Variants in PRKCE observed in about 807,000 individuals in gnomAD.
PRKCE encodes the protein protein kinase C epsilon.
PRKCE carries 16 observed loss-of-function variants against 85.4 expected under a neutral mutation model. The observed-to-expected ratio is 0.19, with a 90% CI of 0.13 to 0.28. PRKCE has a LOEUF of 0.28. Among genes scored for constraint, PRKCE ranks in the 10% least tolerant of loss-of-function variants. The pLI, the probability that PRKCE is intolerant of heterozygous loss-of-function variation, is 1.00. For synonymous variants in PRKCE, 388 were observed against 371.5 expected (o/e 1.04, Z -0.51); for missense variants, 573 against 975.2 (o/e 0.59, Z 5.49).
chr2:46,179,191 AC>A (rs1679724278), intron 14 of PRKCE, among the ~76,000 whole-genome samples: 1 of 152,180 alleles, frequency 6.6e-6, no homozygotes, highest in Non-Finnish European at 1.5e-5. Context: ...GTGCTTTAAA[AC>A]AAAGTCATCT....
At chr2:45,756,057 A>G (rs550680291) in intron 1 of PRKCE, among the ~76,000 whole-genome samples, 1 of 152,314 alleles carries the variant, frequency 6.6e-6, no homozygotes, top group East Asian at 1.9e-4. Context: ...CGTTTACTAG[A>G]CACACAATGA....
chr2:46,176,728 C>T (rs556254034), intron 14 of PRKCE, among the ~76,000 whole-genome samples: 1 of 152,238 alleles, frequency 6.6e-6, no homozygotes, highest in East Asian at 1.9e-4. Flanking sequence ...CCAAAGAGTG[C>T]TGGTGGGACT....
intron 10 of PRKCE, among the ~76,000 whole-genome samples, chr2:46,056,410 C>T (rs1483616871): frequency 6.6e-6 from 1 of 152,130 alleles, no homozygotes; most frequent in Non-Finnish European, 1.5e-5. Context: ...CATACAGTAA[C>T]TTATATGGGA....
chr2:45,710,147 C>G (rs1186858723), intron 1 of PRKCE, among the ~76,000 whole-genome samples: 1 of 152,176 alleles, frequency 6.6e-6, no homozygotes, highest in Non-Finnish European at 1.5e-5. Context: ...GTGCTGGGCA[C>G]CGTTCTTGGA....
chr2:45,743,436 T>C (rs1284107533), intron 1 of PRKCE, among the ~76,000 whole-genome samples: 2 of 152,134 alleles, frequency 1.3e-5, no homozygotes, highest in African/African-American at 2.4e-5. Context: ...AGCCACCTGA[T>C]GGAAGTCTTT....
intron 6 of PRKCE, among the ~76,000 whole-genome samples, chr2:45,985,860 A>C (rs997904367): frequency 3.9e-5 from 6 of 152,246 alleles, no homozygotes; most frequent in African/African-American, 1.2e-4. Context: ...GAAGCTGTCC[A>C]CCTGTTGGAC....
chr2:45,843,759 A>G (rs1691553186), intron 2 of PRKCE, among the ~76,000 whole-genome samples: 1 of 152,200 alleles, frequency 6.6e-6, no homozygotes, highest in Non-Finnish European at 1.5e-5. Context: ...ATAACAACCA[A>G]CTTAAGCTCT....
intron 11 of PRKCE, among the ~76,000 whole-genome samples, chr2:46,141,866 A>G (rs2104467592): frequency 6.6e-6 from 1 of 152,264 alleles, no homozygotes; most frequent in African/African-American, 2.4e-5. Context: ...TGTCCTGAAC[A>G]CTGAACACCA....
At chr2:45,856,567 C>T (rs1359636634) in intron 2 of PRKCE, among the ~76,000 whole-genome samples, 1 of 152,158 alleles carries the variant, frequency 6.6e-6, no homozygotes, top group Non-Finnish European at 1.5e-5. Context: ...ATTCAAGGTT[C>T]TCTCTTCTAG....
rs141342773 is a variant in PRKCE at position 45,703,655 on chromosome 2, C to T, written c.348+51207C>T. Among the ~76,000 whole-genome samples, 919 of 152,152 alleles carry T rather than the reference C, an allele frequency of 6.0e-3. 10 individuals carry two copies. The highest frequency in any genetic ancestry group is 0.021 in the African/African-American group (860 of 41,508). ...CACTTGAAGGACAAACATGGGCTCT[C>T]TGCATGGAACTGATTCTTCTTTGGA... On this transcript the variant is annotated intron_variant, in intron 1 of 14. Coordinates refer to ENST00000306156, the MANE Select transcript of PRKCE (RefSeq NM_005400.3).
In PRKCE at chr2:45,905,497, G is replaced by A. The variant is rs1405379120; in HGVS notation, c.412+62434G>A. Among the ~76,000 whole-genome samples the A allele has an allele frequency of 6.6e-6, 1 of 152,194 alleles. No homozygotes were observed. The highest frequency in any genetic ancestry group is 1.5e-5 in the Non-Finnish European group (1 of 68,044). On this transcript the variant is annotated intron_variant, in intron 2 of 14. Coordinates refer to ENST00000306156, the MANE Select transcript of PRKCE (RefSeq NM_005400.3). The surrounding 1 kb of genome is among the most constrained non-coding windows in gnomAD (Gnocchi z 4.4). ...AGTAGACTATGGCTTTAATAATCAG[G>A]TAAAAAACACCCTGCCATCTGGTAA...
intron 11 of PRKCE, among the ~76,000 whole-genome samples, chr2:46,096,693 A>G (rs1004328410): frequency 2.6e-5 from 4 of 152,304 alleles, no homozygotes; most frequent in South Asian, 2.1e-4. Context: ...CTGCAAGAAA[A>G]TAAATTCCTG....
At chr2:45,716,922 T>C (rs1189034923) in intron 1 of PRKCE, among the ~76,000 whole-genome samples, 1 of 152,198 alleles carries the variant, frequency 6.6e-6, no homozygotes, top group East Asian at 1.9e-4. Flanking sequence ...AAGCCCCTTA[T>C]AAAACCATCA....
At chr2:46,095,093 C>A (rs66628040) in intron 11 of PRKCE, among the ~76,000 whole-genome samples, 35,123 of 152,142 alleles carry the variant, frequency 0.23, 4,663 homozygotes, top group African/African-American at 0.36. Flanking sequence ...TATTTCTTTA[C>A]TGATTCTTTC....
chr2:46,012,221 C>T (rs984161642), intron 10 of PRKCE, among the ~76,000 whole-genome samples: 3 of 152,258 alleles, frequency 2.0e-5, no homozygotes, highest in Admixed American at 6.5e-5. Context: ...CAGGTACCCA[C>T]GGACAGAATC....
chr2:46,049,536 G>T (rs901492421), intron 10 of PRKCE, among the ~76,000 whole-genome samples: 6 of 152,210 alleles, frequency 3.9e-5, no homozygotes, highest in African/African-American at 1.4e-4. Flanking sequence ...AGCCAAGGTA[G>T]TTTCTGCCTG....
intron 13 of PRKCE, among the ~76,000 whole-genome samples, chr2:46,157,770 G>T (rs1292690397): frequency 6.6e-6 from 1 of 152,222 alleles, no homozygotes; most frequent in Non-Finnish European, 1.5e-5. Context: ...AGGACGGGAG[G>T]AGCTGAGGAA....
intron 2 of PRKCE, among the ~76,000 whole-genome samples, chr2:45,963,641 A>T (rs545565421): frequency 2.2e-4 from 33 of 152,034 alleles, no homozygotes; most frequent in African/African-American, 8.0e-4. Flanking sequence ...GTCTTTCTCC[A>T]TTTCCTTTGC....
At chr2:46,146,442 G>T (rs1332797543) in intron 12 of PRKCE, among the ~76,000 whole-genome samples, 3 of 152,252 alleles carry the variant, frequency 2.0e-5, no homozygotes, top group Non-Finnish European at 4.4e-5. Flanking sequence ...GGTCTAAAGG[G>T]AGTGATAGAT....
Sources: gnomAD v4.1 joint callset for allele counts (sites outside exome capture counted in the v4.1 genomes callset) on GRCh38, gnomAD v4.1.1 for gene constraint, Gnocchi (gnomAD v3.1) non-coding constraint, MANE v1.5 for transcripts, NCBI Gene and HGNC (gene_info 2026-07-23, HGNC 2026-07-21) for gene names.